WDFY4: variants seen among roughly 807,000 people sequenced by gnomAD.
The protein encoded by WDFY4 is WDFY family member 4.
In WDFY4, 169 loss-of-function variants were observed where a neutral mutation model predicts 351.9. The ratio of observed to expected loss-of-function variants is 0.48; its 90% confidence interval spans 0.42 to 0.55. The LOEUF is 0.55. Ranked by LOEUF, WDFY4 falls within the 20% of genes least tolerant of loss-of-function variation. The pLI is 0.00. For missense variants in WDFY4, 3,803 were observed against 3,935.6 expected (o/e 0.97, Z 0.90); for synonymous variants, 1,622 against 1,574.6 (o/e 1.03, Z -0.71).
intron 51 of WDFY4, among the ~76,000 whole-genome samples, chr10:48,950,007 A>G (rs959892006): frequency 2.6e-5 from 4 of 152,182 alleles, no homozygotes; most frequent in Admixed American, 6.5e-5. Context: ...TACAGCTGTT[A>G]TTTAAACTAT....
At chr10:48,929,548 G>A (rs1374278556) in intron 47 of WDFY4, among the ~76,000 whole-genome samples, 1 of 152,146 alleles carries the variant, frequency 6.6e-6, no homozygotes. Context: ...CCTCTTCTCT[G>A]CCTATACTTA....
intron 13 of WDFY4, among the ~76,000 whole-genome samples, chr10:48,769,544 C>T (rs1482195166): frequency 2.0e-5 from 3 of 152,202 alleles, no homozygotes; most frequent in East Asian, 3.8e-4. Flanking sequence ...GTTTGAGTAG[C>T]TCAGTAAAGC....
intron 57 of WDFY4, among the ~76,000 whole-genome samples, 199 bp from the exon 58 acceptor site, chr10:48,974,663 A>T (rs144904128): frequency 3.3e-5 from 5 of 152,194 alleles, no homozygotes; most frequent in African/African-American, 1.2e-4. Context: ...ACCCCTGGAG[A>T]TGAATGAAAT....
chr10:48,910,217 A>G (rs1200079700), intron 47 of WDFY4: 1 of 1,603,728 alleles, frequency 6.2e-7, no homozygotes, highest in Non-Finnish European at 8.5e-7. Context: ...AGTAGTCTTC[A>G]AGATTTTGCC....
At chr10:48,703,909 T>C (rs1222977812) in intron 1 of WDFY4, among the ~76,000 whole-genome samples, 1 of 151,838 alleles carries the variant, frequency 6.6e-6, no homozygotes, top group African/African-American at 2.4e-5. Context: ...AGGGTGAGGG[T>C]GGATAGTGAC....
chr10:48,982,277 C>A (rs1284096356), intron 61 of WDFY4, among the ~76,000 whole-genome samples: 1 of 152,182 alleles, frequency 6.6e-6, no homozygotes, highest in African/African-American at 2.4e-5. Flanking sequence ...GGGGCCTGAG[C>A]TTCCCCACAG....
At chr10:48,811,157 G>A (rs1401421193) in intron 29 of WDFY4, among the ~76,000 whole-genome samples, 3 of 152,140 alleles carry the variant, frequency 2.0e-5, no homozygotes, top group Admixed American at 6.6e-5. Context: ...TCTCTTTAGT[G>A]CTTCACAAAA....
In WDFY4 at chr10:48,777,072, T is replaced by C; in HGVS notation, c.3098+88T>C. ...TATAATATTGATTGCAAACTTGTAG[T>C]TCCCATTGAATCTCACCACTCAGCA... On this transcript the variant is annotated intron_variant, in intron 16 of 61. Coordinates refer to ENST00000325239, the MANE Select transcript of WDFY4 (RefSeq NM_001394531.1). 3.6e-6 allele frequency: 5 copies of C among 1,401,874 alleles called. No individual in the cohort carries two copies. The South Asian group carries it at 7.0e-5, about 20-fold the overall frequency. 86.8% of individuals were successfully genotyped at this position (1,401,874 alleles called of 1,614,324 possible). A position where few individuals can be genotyped will look rare whatever the true frequency, so the allele number is the denominator to read the frequency against.
At position 48,892,994 on chromosome 10, in the gene WDFY4, C is replaced by A. The variant is rs568874952; in HGVS notation, c.7316+2267C>A. ...CAAAAAACAAACAAATGCACACACACAAAAAAACAGAAATGTGTTGTTTCA... is the reference window on the plus strand; with the variant it reads ...CAAAAAACAAACAAATGCACACACAAAAAAAAACAGAAATGTGTTGTTTCA... On this transcript the variant is annotated intron_variant, in intron 44 of 61. Coordinates refer to ENST00000325239, the MANE Select transcript of WDFY4 (RefSeq NM_001394531.1). Among the ~76,000 whole-genome samples, 17 of 152,256 alleles carry A rather than the reference C, an allele frequency of 1.1e-4. 1 individual carries two copies. Among genetic ancestry groups the A allele is most frequent in the African/African-American group, 3.1e-4 (13 of 41,544 alleles).
chr10:48,779,089 C>T (rs2066134005), intron 18 of WDFY4, among the ~76,000 whole-genome samples: 1 of 152,202 alleles, frequency 6.6e-6, no homozygotes, highest in South Asian at 2.1e-4. Flanking sequence ...AGATGATGCT[C>T]AGTGGCTTTT....
chr10:48,817,224 C>G (rs2067650068), intron 31 of WDFY4, 21 bp from the exon 32 acceptor site: 10 of 1,550,812 alleles, frequency 6.4e-6, no homozygotes, highest in Non-Finnish European at 8.7e-6. Context: ...CCTGCACTAC[C>G]TCTCACCAAG....
chr10:48,822,840 T>C (rs1386939052), intron 35 of WDFY4, among the ~76,000 whole-genome samples: 2 of 152,214 alleles, frequency 1.3e-5, no homozygotes, highest in East Asian at 3.9e-4. Context: ...TTATTGTGAT[T>C]GTTGGTTTGA....
rs555059914 is a variant in WDFY4 at position 48,890,446 on chromosome 10, C to T, written c.7168-133C>T. ...GCAGTACAGTCCTGGGACAGCGGGA[C>T]TGCCATTCATACAAGGCACTGCTCT... On this transcript the variant is annotated intron_variant, in intron 43 of 61. Coordinates refer to ENST00000325239, the MANE Select transcript of WDFY4 (RefSeq NM_001394531.1). The T allele has an allele frequency of 8.4e-6, 9 of 1,071,924 alleles. No individual in the cohort carries two copies. In the African/African-American group the frequency reaches 1.1e-4, roughly 13 times the overall value. 66.4% of individuals were successfully genotyped at this position (1,071,924 alleles called of 1,614,324 possible).
chr10:48,716,203 A>C (rs2063904969), intron 2 of WDFY4, among the ~76,000 whole-genome samples: 1 of 152,174 alleles, frequency 6.6e-6, no homozygotes, highest in African/African-American at 2.4e-5. Flanking sequence ...CTTAAAGACA[A>C]ACCTGCCAAA....
intron 19 of WDFY4, among the ~76,000 whole-genome samples, chr10:48,784,180 G>A (rs1340655707): frequency 2.0e-5 from 3 of 152,196 alleles, no homozygotes; most frequent in Admixed American, 6.5e-5. Flanking sequence ...GTGAATTTAA[G>A]TCTTCATCTA....
chr10:48,734,527 T>TATAC (rs1309368948), intron 10 of WDFY4, among the ~76,000 whole-genome samples: 2 of 150,458 alleles, frequency 1.3e-5, no homozygotes, highest in East Asian at 3.9e-4. Flanking sequence ...TATGTGCATA[T>TATAC]ATATATATAT....
chr10:48,952,197 C>T (rs753112775), intron 51 of WDFY4, among the ~76,000 whole-genome samples: 2 of 151,018 alleles, frequency 1.3e-5, no homozygotes, highest in Non-Finnish European at 2.9e-5. Flanking sequence ...TCTGTGCTCA[C>T]ACCCAGGTGG....
chr10:48,853,669 C>G, intron 39 of WDFY4, among the ~76,000 whole-genome samples: 1 of 152,212 alleles, frequency 6.6e-6, no homozygotes, highest in East Asian at 1.9e-4. Flanking sequence ...GAAAATGGAA[C>G]CACATCAGGC....
At position 48,740,908 on chromosome 10, in the gene WDFY4, C is replaced by G. The variant is rs116475779; in HGVS notation, c.1879-2060C>G. On this transcript the variant is annotated intron_variant, in intron 11 of 61. Transcript: ENST00000325239. ...AGTAGTGTGTTTTCTTTTTCTATAA[C>G]TGGGAAAAGATCAATTGGCCTGTAT... Among the ~76,000 whole-genome samples the G allele has an allele frequency of 3.5e-3, 535 of 152,312 alleles. 4 individuals are homozygous for G. The highest frequency in any genetic ancestry group is 0.012 in the African/African-American group (507 of 41,564).
Sources: allele counts gnomAD v4.1 joint callset (sites outside exome capture counted in the v4.1 genomes callset), GRCh38; gene constraint gnomAD v4.1.1; transcripts MANE v1.5; gene names NCBI Gene and HGNC (gene_info 2026-07-23, HGNC 2026-07-21).